Variants in LAMC1 observed in about 807,000 individuals in gnomAD.
LAMC1 encodes laminin subunit gamma 1.
A neutral mutation model predicts 173.6 loss-of-function variants in LAMC1; 38 were observed. That is an observed-to-expected ratio of 0.22 (90% CI 0.17 to 0.29). LAMC1 has a LOEUF of 0.29. Ranked by LOEUF, LAMC1 falls within the 10% of genes least tolerant of loss-of-function variation. LAMC1 has a pLI of 1.00. For synonymous variants in LAMC1, 746 were observed against 749.1 expected, an observed-to-expected ratio of 1.00 and a Z score of 0.07; for missense variants, 1,824 against 2,051.8, an observed-to-expected ratio of 0.89 and a Z score of 2.14.
intron 1 of LAMC1, among the ~76,000 whole-genome samples, chr1:183,032,184 C>T (rs1211609465): frequency 6.6e-6 from 1 of 152,074 alleles, no homozygotes; most frequent in African/African-American, 2.4e-5. Flanking sequence ...ATACGTGGGC[C>T]CAGTCAGCCT....
In LAMC1 at chr1:183,131,421, G is replaced by T. The variant is rs562657370; in HGVS notation, c.3566+43G>T. 4.9e-6 allele frequency: 6 copies of T among 1,228,812 alleles called. No individual in the cohort carries two copies. The Admixed American group carries it at 8.8e-5, about 18-fold the overall frequency. The allele number at this position is 1,228,812 out of a possible 1,614,324, so 76.1% of individuals were successfully genotyped here. On this transcript the variant is annotated intron_variant, in intron 20 of 27. Coordinates refer to ENST00000258341, the MANE Select transcript of LAMC1 (RefSeq NM_002293.4). Reference sequence around the variant, plus strand: ...GTTTAATGGTTAAGTTGTGGCTTCTGTTATGGGGTGTGTGTGTGTGTGTGT... The same window carrying T: ...GTTTAATGGTTAAGTTGTGGCTTCTTTTATGGGGTGTGTGTGTGTGTGTGT...
Position 183,116,649 on chromosome 1 carries a change from C to A in LAMC1, c.1401C>A (p.Asp467Glu). 1.2e-6 allele frequency: 2 copies of A among 1,613,368 alleles called. No individual in the cohort carries two copies. Among genetic ancestry groups the A allele is most frequent in the Non-Finnish European group, 1.7e-6 (2 of 1,179,350 alleles). Reference sequence around the variant, plus strand: ...AAACAGGAAGATGTGTTTGCAAAGACAATGTCGAAGGCTTCAATTGTGAAA... The same window carrying A: ...AAACAGGAAGATGTGTTTGCAAAGAAAATGTCGAAGGCTTCAATTGTGAAA... Reference protein sequence around the residue: ...NIETGRCVCKDNVEGFNCERC... With the variant: ...NIETGRCVCKENVEGFNCERC... The change falls in exon 7 of 28, where the codon GAC becomes GAA. Residue 467 changes from aspartate to glutamate, a missense_variant. Asp to Glu is a conservative substitution (Grantham distance 45). Transcript: ENST00000258341.
At chr1:183,074,350 T>C (rs532962845) in intron 1 of LAMC1, among the ~76,000 whole-genome samples, 1 of 152,180 alleles carries the variant, frequency 6.6e-6, no homozygotes, top group Non-Finnish European at 1.5e-5. Context: ...ATGTGTAAAA[T>C]AAGTGCTGTT....
At chr1:183,027,566 GAA>G (rs1653722123) in intron 1 of LAMC1, among the ~76,000 whole-genome samples, 1 of 152,084 alleles carries the variant, frequency 6.6e-6, no homozygotes, top group Non-Finnish European at 1.5e-5. Context: ...TTAGATTAAG[GAA>G]AAGAGTGCTT....
At chr1:183,078,364 G>A (rs1038134518) in intron 1 of LAMC1, among the ~76,000 whole-genome samples, 2 of 151,282 alleles carry the variant, frequency 1.3e-5, no homozygotes, top group South Asian at 2.1e-4. Flanking sequence ...GGTGGATCAC[G>A]AGGTCAGGAA....
intron 1 of LAMC1, among the ~76,000 whole-genome samples, chr1:183,055,057 C>T (rs950899563): frequency 2.7e-5 from 4 of 150,006 alleles, no homozygotes; most frequent in Admixed American, 1.3e-4. Context: ...GACGCAATCT[C>T]GGCTCACTGC....
chr1:183,069,007 A>T (rs1309004424), intron 1 of LAMC1, among the ~76,000 whole-genome samples: 1 of 152,028 alleles, frequency 6.6e-6, no homozygotes, highest in African/African-American at 2.4e-5. Flanking sequence ...CCTTTTTGGC[A>T]CCAGGGACTT....
chr1:183,089,403 T>C (rs1655511584), intron 1 of LAMC1, among the ~76,000 whole-genome samples: 1 of 152,214 alleles, frequency 6.6e-6, no homozygotes, highest in Non-Finnish European at 1.5e-5. Flanking sequence ...ACCTGAAATA[T>C]GCTATGTAAA....
chr1:183,036,618 C>T (rs921045609), intron 1 of LAMC1, among the ~76,000 whole-genome samples: 1 of 151,566 alleles, frequency 6.6e-6, no homozygotes. Flanking sequence ...GGCCAGGCTC[C>T]GACCTCAAGT....
chr1:183,115,906 C>A (rs1656304627), intron 6 of LAMC1, among the ~76,000 whole-genome samples: 1 of 152,000 alleles, frequency 6.6e-6, no homozygotes, highest in Admixed American at 6.5e-5. Flanking sequence ...TTTGGGAGGC[C>A]AAGGTGGCTG....
At chr1:183,127,563 T>C (rs1486143566) in intron 17 of LAMC1, among the ~76,000 whole-genome samples, 159 bp downstream of exon 17, 2 of 152,214 alleles carry the variant, frequency 1.3e-5, no homozygotes, top group African/African-American at 4.8e-5. Context: ...AAAAAATAAA[T>C]AAATAAACAA....
At chr1:183,132,280 A>C (rs1427863159) in intron 20 of LAMC1, 120 bp from the exon 21 acceptor site, 23 of 669,354 alleles carry the variant, frequency 3.4e-5, no homozygotes, top group Non-Finnish European at 5.1e-5. Context: ...TGACAGAGCG[A>C]GACTCCATTT....
intron 1 of LAMC1, among the ~76,000 whole-genome samples, chr1:183,051,066 T>A (rs1405484258): frequency 6.6e-6 from 1 of 152,196 alleles, no homozygotes. Flanking sequence ...TGTTTACTTT[T>A]CAATATTCAA....
chr1:183,095,945 G>A (rs1166529746), intron 1 of LAMC1, among the ~76,000 whole-genome samples: 1 of 152,128 alleles, frequency 6.6e-6, no homozygotes, highest in Admixed American at 6.5e-5. Context: ...ACTCTCCAAG[G>A]GTGTTTGACA....
chr1:183,040,496 A>G (rs901388077), intron 1 of LAMC1, among the ~76,000 whole-genome samples: 9 of 152,208 alleles, frequency 5.9e-5, no homozygotes. Context: ...TGGTTTGTTT[A>G]TTTGGAACTT....
chr1:183,090,059 T>C (rs1655526384), intron 1 of LAMC1, among the ~76,000 whole-genome samples: 1 of 152,228 alleles, frequency 6.6e-6, no homozygotes, highest in Non-Finnish European at 1.5e-5. Context: ...TCAATCTGCT[T>C]TTTGTTCTGT....
At chr1:183,121,456 T>G (rs532909560) in intron 11 of LAMC1, among the ~76,000 whole-genome samples, 1 of 152,040 alleles carries the variant, frequency 6.6e-6, no homozygotes, top group Non-Finnish European at 1.5e-5. Context: ...AACAAACAAA[T>G]AAATTAATAA....
At position 183,121,806 on chromosome 1, in the gene LAMC1, T is replaced by A; in HGVS notation, c.2074T>A (p.Cys692Ser). The A allele has an allele frequency of 4.3e-6, 7 of 1,614,208 alleles. No homozygotes were observed. Among genetic ancestry groups the A allele is most frequent in the Non-Finnish European group, 5.9e-6 (7 of 1,180,024 alleles). ...TGCAACTTGGGTGGAGTCCTGCACC[T>A]GTCCTGTGGGATATGGAGGGCAGTT... is the stretch of plus-strand genomic sequence containing the variant. ...VPATWVESCT[C>S]PVGYGGQFCE... The change falls in exon 12 of 28, where the codon TGT becomes AGT. Residue 692 changes from cysteine (C) to serine (S), a missense_variant. Transcript: ENST00000258341.
chr1:183,088,835 C>T (rs1225858176), intron 1 of LAMC1, among the ~76,000 whole-genome samples: 1 of 152,102 alleles, frequency 6.6e-6, no homozygotes, highest in Non-Finnish European at 1.5e-5. Flanking sequence ...TGAGACGTGG[C>T]ATATGGATAA....
Sources: allele counts gnomAD v4.1 joint callset (sites outside exome capture counted in the v4.1 genomes callset), GRCh38; gene constraint gnomAD v4.1.1; transcripts MANE v1.5; gene names NCBI Gene and HGNC (gene_info 2026-07-23, HGNC 2026-07-21).